FEZ2: variants seen among roughly 807,000 people sequenced by gnomAD.
FEZ2 encodes the protein fasciculation and elongation protein zeta 2.
Under a neutral mutation model 40.4 loss-of-function variants are expected in FEZ2, and 51 were observed. The ratio of observed to expected loss-of-function variants is 1.26; its 90% CI spans 1.01 to 1.59. The LOEUF is 1.59. Ranked by LOEUF, FEZ2 falls within the 40% of genes most tolerant of loss-of-function variation. The probability of loss-of-function intolerance (pLI) is 0.00; values close to 1 mark genes in which losing one functional copy is unlikely to be tolerated. For missense variants in FEZ2, 640 were observed against 438.3 expected (o/e 1.46, Z -4.11); for synonymous variants, 242 against 172.0 (o/e 1.41, Z -3.18).
At chr2:36,555,773 A>C (rs1227126490) in intron 6 of FEZ2, 25 bp from the exon 7 acceptor site, 1 of 1,397,928 alleles carries the variant, frequency 7.2e-7, no homozygotes, top group South Asian at 1.3e-5. Context: ...AGGGGAAAAA[A>C]GACAACAATT....
chr2:36,593,332 G>A (rs1021676452), intron 1 of FEZ2, among the ~76,000 whole-genome samples: 4 of 152,054 alleles, frequency 2.6e-5, no homozygotes, highest in African/African-American at 7.2e-5. Context: ...TGCCCCAGTA[G>A]GGACTCTGTG....
At chr2:36,561,097 G>A (rs1668081112) in intron 5 of FEZ2, among the ~76,000 whole-genome samples, 1 of 152,182 alleles carries the variant, frequency 6.6e-6, no homozygotes, top group Non-Finnish European at 1.5e-5. Context: ...TATTCATGCA[G>A]GCATTTTTCT....
rs972625447 is a variant in FEZ2, at chr2:36,555,481, C to G, written c.1045+202G>C. On this transcript the variant is annotated intron_variant, in intron 7 of 7. Transcript: ENST00000405912. ...TGTGGAGATTATTTCCAACCCAGAA[C>G]CTCCAATAAAACTTAAATTATATAA... The G allele has an allele frequency of 1.8e-5, 7 of 378,508 alleles. No individual in the cohort carries two copies. In the East Asian group the frequency reaches 2.4e-4, roughly 13 times the overall value. The allele number at this position is 378,508 out of a possible 1,614,324, so 23.4% of individuals were successfully genotyped here.
chr2:36,575,246 G>C (rs1005762664), intron 5 of FEZ2, among the ~76,000 whole-genome samples: 1 of 152,174 alleles, frequency 6.6e-6, no homozygotes, highest in African/African-American at 2.4e-5. Context: ...GTGGAGTGGT[G>C]TGACCATGGC....
chr2:36,585,757 T>G (rs890987306), intron 2 of FEZ2, among the ~76,000 whole-genome samples: 5 of 152,216 alleles, frequency 3.3e-5, no homozygotes, highest in Non-Finnish European at 7.3e-5. Context: ...CAACCCCAGA[T>G]GTTATGTAAT....
At chr2:36,578,494 C>G in intron 5 of FEZ2, 103 bp downstream of exon 5, 1 of 1,174,262 alleles carries the variant, frequency 8.5e-7, no homozygotes, top group Non-Finnish European at 1.2e-6. Context: ...TGTTAACACT[C>G]CTGCCCATGT....
chr2:36,572,798 C>T (rs1668454888), intron 5 of FEZ2, among the ~76,000 whole-genome samples: 1 of 152,066 alleles, frequency 6.6e-6, no homozygotes, highest in Admixed American at 6.6e-5. Context: ...TAAACAGAAG[C>T]CCCAAACAAA....
At chr2:36,596,040 AT>A (rs1271192432) in intron 1 of FEZ2, among the ~76,000 whole-genome samples, 1 of 152,240 alleles carries the variant, frequency 6.6e-6, no homozygotes, top group Non-Finnish European at 1.5e-5. Context: ...GGGTTTAGTG[AT>A]TCAGAGTATC....
intron 5 of FEZ2, among the ~76,000 whole-genome samples, chr2:36,564,156 G>T (rs937428967): frequency 6.6e-6 from 1 of 152,112 alleles, no homozygotes; most frequent in Non-Finnish European, 1.5e-5. Context: ...GTACATGTTA[G>T]CTATCTTTAC....
At chr2:36,581,154 C>A (rs1668730281) in intron 4 of FEZ2, 136 bp downstream of exon 4, 1 of 899,682 alleles carries the variant, frequency 1.1e-6, no homozygotes, top group African/African-American at 1.7e-5. Flanking sequence ...GTCTCAACAA[C>A]AACAACAAAA....
chr2:36,581,636 A>T, intron 3 of FEZ2: 1 of 542,402 alleles, frequency 1.8e-6, no homozygotes, highest in South Asian at 2.5e-5. Context: ...ACAATATACT[A>T]AACACAAACC....
chr2:36,582,374 T>C (rs1668775541), intron 3 of FEZ2, among the ~76,000 whole-genome samples: 2 of 152,128 alleles, frequency 1.3e-5, no homozygotes, highest in Admixed American at 6.5e-5. Context: ...ATGTTAATTA[T>C]AAGAAGAGTC....
At chr2:36,555,792 A>G in intron 6 of FEZ2, 44 bp from the exon 7 acceptor site, 2 of 1,118,928 alleles carry the variant, frequency 1.8e-6, no homozygotes, top group Non-Finnish European at 1.3e-6. Flanking sequence ...TTAAAAATTT[A>G]GATCAAAAAT....
intron 3 of FEZ2, among the ~76,000 whole-genome samples, chr2:36,581,961 T>C (rs926942643): frequency 5.3e-5 from 8 of 152,146 alleles, no homozygotes; most frequent in Non-Finnish European, 1.0e-4. Flanking sequence ...AATAATTTTA[T>C]ATATTAATTC....
intron 5 of FEZ2, among the ~76,000 whole-genome samples, chr2:36,567,742 A>G (rs528081252): frequency 5.3e-5 from 8 of 151,516 alleles, no homozygotes; most frequent in Non-Finnish European, 1.0e-4. Flanking sequence ...AGCCTGGGCA[A>G]TAGAGCGAGA....
intron 7 of FEZ2, chr2:36,554,384 T>A: frequency 2.2e-6 from 1 of 463,742 alleles, no homozygotes; most frequent in Non-Finnish European, 4.5e-6. Flanking sequence ...AGAAGCTCAT[T>A]CTATCTCTGG....
rs1456333453 is a variant in FEZ2, at chr2:36,552,754, C to T, written c.*409G>A. Reference sequence around the variant, plus strand: ...TACACTGACAATTCTCACAAAAAAACAGTGTTGGTTCTTGCCATCACTGAA... The same window carrying T: ...TACACTGACAATTCTCACAAAAAAATAGTGTTGGTTCTTGCCATCACTGAA... On this transcript the variant is annotated 3_prime_UTR_variant, in exon 8 of 8. Coordinates refer to ENST00000405912, the MANE Select transcript of FEZ2 (RefSeq NM_005102.3). 2 of 193,856 alleles carry T rather than the reference C, an allele frequency of 1.0e-5. No individual in the cohort carries two copies. Among genetic ancestry groups the T allele is most frequent in the Non-Finnish European group, 2.1e-5 (2 of 94,544 alleles). The allele number at this position is 193,856 out of a possible 1,614,324, so 12.0% of individuals were successfully genotyped here.
intron 5 of FEZ2, among the ~76,000 whole-genome samples, chr2:36,578,256 T>C (rs1668632685): frequency 6.6e-6 from 1 of 152,220 alleles, no homozygotes; most frequent in African/African-American, 2.4e-5. Context: ...TAGCCAAATA[T>C]ACATAACCAC....
Position 36,558,517 on chromosome 2 carries a change from C to T in FEZ2, c.904-4G>A. On this transcript the variant is annotated splice_region_variant and splice_polypyrimidine_tract_variant and intron_variant, in intron 5 of 7. Coordinates refer to ENST00000405912, the MANE Select transcript of FEZ2 (RefSeq NM_005102.3). Reference sequence around the variant, plus strand: ...AAGGAATGACTGTAGTCAAATACTGCCAAGTTTAAAAAAAAAAAGTGTCAC... The same window carrying T: ...AAGGAATGACTGTAGTCAAATACTGTCAAGTTTAAAAAAAAAAAGTGTCAC... 1 of 1,478,804 alleles carries T rather than the reference C, an allele frequency of 6.8e-7. No homozygotes were observed. The highest frequency in any genetic ancestry group is 9.0e-7 in the Non-Finnish European group (1 of 1,108,886). 91.6% of individuals were successfully genotyped at this position (1,478,804 alleles called of 1,614,324 possible). A position where few individuals can be genotyped will look rare whatever the true frequency, so the allele number is the denominator to read the frequency against.
Sources: allele counts gnomAD v4.1 joint callset (sites outside exome capture counted in the v4.1 genomes callset), GRCh38; gene constraint gnomAD v4.1.1; transcripts MANE v1.5; gene names NCBI Gene and HGNC (gene_info 2026-07-23, HGNC 2026-07-21).